The following PTK7 variants were observed in gnomAD, a reference collection of about 807,000 sequenced individuals.
The protein encoded by PTK7 is protein tyrosine kinase 7 (inactive).
Under a neutral mutation model 116.6 loss-of-function variants are expected in PTK7, and 39 were observed. The ratio of observed to expected loss-of-function variants is 0.33; its 90% confidence interval spans 0.26 to 0.44. The LOEUF (loss-of-function observed/expected upper bound fraction) is 0.44, where lower values mean the gene tolerates loss of function less well. PTK7 is among the 20% of genes least tolerant of loss of function. The probability of loss-of-function intolerance (pLI) is 1.00; values close to 1 mark genes in which losing one functional copy is unlikely to be tolerated. For missense variants in PTK7, 1,169 were observed against 1,425.6 expected (o/e 0.82, Z 2.90); for synonymous variants, 546 against 563.6 (o/e 0.97, Z 0.44).
chr6:43,109,385 G>A (rs1768067943), intron 1 of PTK7, among the ~76,000 whole-genome samples: 1 of 151,256 alleles, frequency 6.6e-6, no homozygotes. Context: ...ATGAGACCCT[G>A]CTAGTCTTTG....
At chr6:43,128,300 A>G (rs1769420650) in intron 1 of PTK7, among the ~76,000 whole-genome samples, 1 of 152,124 alleles carries the variant, frequency 6.6e-6, no homozygotes, top group East Asian at 1.9e-4. Flanking sequence ...TTTTGCTAGG[A>G]AGCCTCCCTG....
At chr6:43,100,437 A>G (rs1767510219) in intron 1 of PTK7, among the ~76,000 whole-genome samples, 2 of 121,584 alleles carry the variant, frequency 1.6e-5, no homozygotes, top group Non-Finnish European at 3.4e-5. Context: ...AGACATTACT[A>G]CTTGTAACTT....
At chr6:43,090,360 A>G (rs1379704484) in intron 1 of PTK7, among the ~76,000 whole-genome samples, 1 of 152,174 alleles carries the variant, frequency 6.6e-6, no homozygotes. Flanking sequence ...AATGCAGAAC[A>G]TTTCATTTTA....
intron 1 of PTK7, among the ~76,000 whole-genome samples, chr6:43,085,259 T>C (rs1227814705): frequency 2.0e-5 from 3 of 152,150 alleles, no homozygotes; most frequent in African/African-American, 7.2e-5. Context: ...CCGTTTCCTT[T>C]TGAGGGGTCA....
chr6:43,139,259 G>A lies in PTK7; in HGVS notation c.1486G>A (p.Val496Ile). Residue 496 changes from valine to isoleucine, a missense_variant, in exon 9 of 20, where the codon GTC (valine) becomes ATC (isoleucine). By Grantham distance (29) the Val-to-Ile change is conservative. Transcript: ENST00000230419. The surrounding 1 kb of genome is among the most constrained non-coding windows in gnomAD (Gnocchi z 4.6). Reference protein sequence around the residue: ...PAGSIEAQARVQVLEKLKFTP... With the variant: ...PAGSIEAQARIQVLEKLKFTP... ...CGGCAGCATCGAGGCGCAAGCCCGT[G>A]TCCAAGTGCTGGGTGAGCCAGCATG... 6.2e-7 allele frequency: 1 copy of A among 1,614,262 alleles called. No homozygotes were observed.
chr6:43,119,138 G>A (rs187207910), intron 1 of PTK7, among the ~76,000 whole-genome samples: 1 of 152,122 alleles, frequency 6.6e-6, no homozygotes, highest in African/African-American at 2.4e-5. Flanking sequence ...AGGGTAGGGT[G>A]GGTGAGGCAG....
At chr6:43,131,984 A>G in intron 5 of PTK7, 32 bp from the exon 6 acceptor site, 1 of 1,613,264 alleles carries the variant, frequency 6.2e-7, no homozygotes, top group Middle Eastern at 1.8e-4. Flanking sequence ...CCTATTGGCC[A>G]CTTTCTCCAA....
chr6:43,139,530 G>A lies in PTK7; in HGVS notation c.1618+5G>A, dbSNP rs1770260475. The stretch of plus-strand genomic sequence containing the variant: ...CTATTAAGTGGGAACGGGCAGGTGG[G>A]TACAGTGCCGGCATAGGGTAGGGGC... On this transcript the variant is annotated splice_donor_5th_base_variant and intron_variant, in intron 10 of 19. Transcript: ENST00000230419. This position sits in a 1 kb window ranked among gnomAD's most constrained non-coding sequence, Gnocchi z 4.6. 1 of 1,614,086 alleles carries A rather than the reference G, an allele frequency of 6.2e-7. No individual in the cohort carries two copies. Among genetic ancestry groups the A allele is most frequent in the Non-Finnish European group, 8.5e-7 (1 of 1,180,026 alleles).
intron 17 of PTK7, among the ~76,000 whole-genome samples, chr6:43,155,002 A>G (rs1247671333): frequency 6.6e-6 from 1 of 152,210 alleles, no homozygotes; most frequent in Non-Finnish European, 1.5e-5. Context: ...GAGAGAGGCA[A>G]CCAGCCTTGT....
rs1327616043 is a variant in PTK7, at chr6:43,139,371, T to C, written c.1499-35T>C. The C allele has an allele frequency of 6.2e-7, 1 of 1,614,044 alleles. No homozygotes were observed. The highest frequency in any genetic ancestry group is 1.1e-5 in the South Asian group (1 of 91,080). ...GCCACGGCCTCTCCAGCGGCCCCAA[T>C]TCCTCGTCTTTCTACCCACCCTCTG... is the stretch of plus-strand genomic sequence containing the variant. On this transcript the variant is annotated intron_variant, in intron 9 of 19. Coordinates refer to ENST00000230419, the MANE Select transcript of PTK7 (RefSeq NM_002821.5). The surrounding 1 kb of genome is among the most constrained non-coding windows in gnomAD (Gnocchi z 4.6).
intron 1 of PTK7, among the ~76,000 whole-genome samples, chr6:43,107,649 G>C (rs1239973136): frequency 6.6e-6 from 1 of 152,184 alleles, no homozygotes; most frequent in East Asian, 1.9e-4. Context: ...GTCTTATGAA[G>C]TACTTGGCAC....
At chr6:43,092,019 C>T (rs1246867167) in intron 1 of PTK7, among the ~76,000 whole-genome samples, 2 of 152,084 alleles carry the variant, frequency 1.3e-5, no homozygotes, top group African/African-American at 2.4e-5. Flanking sequence ...CGTGTCACTA[C>T]GCCCAGCTAA....
In PTK7 at chr6:43,076,532, C is replaced by G. The variant is rs574329102; in HGVS notation, c.44C>G (p.Pro15Arg). The G allele has an allele frequency of 3.8e-6, 6 of 1,580,034 alleles. No homozygotes were observed. The highest frequency in any genetic ancestry group is 4.3e-6 in the Non-Finnish European group (5 of 1,167,124). The change falls in exon 1 of 20, where the codon CCT (proline) becomes CGT (arginine). Residue 15 changes from proline (P) to arginine (R), a missense_variant. Pro to Arg is a moderately radical substitution (Grantham distance 103). Around this residue, in one of 3 missense-constraint regions of PTK7, gnomAD observed 487 missense variants for 549.8 expected, o/e 0.89. Coordinates refer to ENST00000230419, the MANE Select transcript of PTK7 (RefSeq NM_002821.5). The surrounding 1 kb of genome is among the most constrained non-coding windows in gnomAD (Gnocchi z 5.7). ...RGSPARPRRL[P>R]LLSVLLLPLL... is the part of the protein sequence containing the mutation. The stretch of plus-strand genomic sequence containing the variant: ...TCCCCGGCCAGACCCCGCCGGTTGC[C>G]TCTGCTCAGCGTCCTGCTGCTGCCG...
At chr6:43,138,726 A>G in intron 7 of PTK7, 123 bp from the exon 8 acceptor site, 7 of 1,368,704 alleles carry the variant, frequency 5.1e-6, no homozygotes, top group Non-Finnish European at 6.9e-6. Context: ...AACTCCTGCC[A>G]TCTGAGGAGC....
At chr6:43,157,380 T>TTTTTTTC (rs1771565037) in intron 17 of PTK7, among the ~76,000 whole-genome samples, 1 of 101,578 alleles carries the variant, frequency 9.8e-6, no homozygotes, top group Non-Finnish European at 2.0e-5. Context: ...TTTTTTCTTT[T>TTTTTTTC]TTTTTTTTTT....
At chr6:43,148,621 A>C (rs891637252) in intron 17 of PTK7, among the ~76,000 whole-genome samples, 1 of 152,200 alleles carries the variant, frequency 6.6e-6, no homozygotes, top group East Asian at 1.9e-4. Context: ...AAGGGACTCT[A>C]TTTGACTGCA....
chr6:43,129,314 C>G lies in PTK7; in HGVS notation c.367+50C>G. ...AGTCCCCCTGTCAGACCCTCAATGA[C>G]TGAGGCCTGGGGGATCCCTCCCTTA... is the stretch of plus-strand genomic sequence containing the variant. On this transcript the variant is annotated intron_variant, in intron 2 of 19. Transcript: ENST00000230419. The surrounding 1 kb of genome is among the most constrained non-coding windows in gnomAD (Gnocchi z 4.5). 1 of 1,601,804 alleles carries G rather than the reference C, an allele frequency of 6.2e-7. No homozygotes were observed. The highest frequency in any genetic ancestry group is 8.5e-7 in the Non-Finnish European group (1 of 1,171,110).
intron 14 of PTK7, among the ~76,000 whole-genome samples, chr6:43,144,037 G>A (rs922027505): frequency 6.6e-6 from 1 of 152,174 alleles, no homozygotes; most frequent in African/African-American, 2.4e-5. Flanking sequence ...GGTCATTGCT[G>A]GGTCTCTCCT....
chr6:43,131,892 C>T, intron 5 of PTK7, 124 bp from the exon 6 acceptor site: 1 of 1,326,542 alleles, frequency 7.5e-7, no homozygotes. Context: ...TTCCTTCTCT[C>T]TGCCCTGTTC....
Sources: allele counts gnomAD v4.1 joint callset (sites outside exome capture counted in the v4.1 genomes callset), GRCh38; gene constraint gnomAD v4.1.1; regional missense constraint gnomAD v4.1.1; non-coding constraint Gnocchi (gnomAD v3.1); transcripts MANE v1.5; gene names NCBI Gene and HGNC (gene_info 2026-07-23, HGNC 2026-07-21).